AGBL4: variants seen among roughly 807,000 people sequenced by gnomAD.
AGBL4 encodes cytosolic carboxypeptidase 6.
In AGBL4, 58 loss-of-function variants were observed where a neutral mutation model predicts 66.4. The ratio of observed to expected loss-of-function variants is 0.87; its 90% CI spans 0.71 to 1.09. The LOEUF (loss-of-function observed/expected upper bound fraction) is 1.09, where lower values mean the gene tolerates loss of function less well. Ranked by LOEUF, AGBL4 falls within the 50% of genes least tolerant of loss-of-function variation. AGBL4 has a pLI of 0.00. For missense variants in AGBL4, 579 were observed against 631.0 expected (o/e 0.92, Z 0.88); for synonymous variants, 234 against 222.9 (o/e 1.05, Z -0.44).
chr1:48,604,457 A>C (rs1420218796), intron 9 of AGBL4, among the ~76,000 whole-genome samples: 1 of 152,176 alleles, frequency 6.6e-6, no homozygotes, highest in Non-Finnish European at 1.5e-5. Flanking sequence ...ATTTGAATGA[A>C]AAGAACGTTT....
At chr1:49,768,953 A>C (rs1643975876) in intron 2 of AGBL4, among the ~76,000 whole-genome samples, 1 of 151,920 alleles carries the variant, frequency 6.6e-6, no homozygotes, top group South Asian at 2.1e-4. Flanking sequence ...GGTTCAAGCG[A>C]TTATCTTGCC....
intron 1 of AGBL4, among the ~76,000 whole-genome samples, chr1:49,956,007 T>TAA (rs1656574145): frequency 6.6e-6 from 1 of 151,980 alleles, no homozygotes; most frequent in Non-Finnish European, 1.5e-5. Flanking sequence ...ATATTTTATA[T>TAA]AATTTACTGT....
chr1:49,117,787 T>C (rs1375581957), intron 4 of AGBL4, among the ~76,000 whole-genome samples: 2 of 152,190 alleles, frequency 1.3e-5, no homozygotes, highest in African/African-American at 4.8e-5. Flanking sequence ...GGGGATGGCA[T>C]TGAATCTATA....
intron 2 of AGBL4, among the ~76,000 whole-genome samples, chr1:49,748,196 G>C (rs188655197): frequency 2.0e-5 from 3 of 152,006 alleles, no homozygotes; most frequent in Admixed American, 2.0e-4. Flanking sequence ...GGTGTGTGAT[G>C]TTCCCCTCCC....
intron 4 of AGBL4, among the ~76,000 whole-genome samples, chr1:49,091,850 TA>T (rs1645009669): frequency 6.6e-6 from 1 of 152,056 alleles, no homozygotes; most frequent in South Asian, 2.1e-4. Context: ...CACACAGTCA[TA>T]AAAATGAACA....
intron 5 of AGBL4, among the ~76,000 whole-genome samples, chr1:48,953,028 G>T (rs1455440760): frequency 6.6e-6 from 1 of 152,142 alleles, no homozygotes; most frequent in Non-Finnish European, 1.5e-5. Context: ...CGTGAAAATG[G>T]TGATAGTTCT....
At chr1:49,210,576 T>C (rs897595323) in intron 4 of AGBL4, among the ~76,000 whole-genome samples, 2 of 152,116 alleles carry the variant, frequency 1.3e-5, no homozygotes, top group Non-Finnish European at 2.9e-5. Flanking sequence ...GGAGGCCTTA[T>C]TAGATAAAGA....
chr1:49,787,435 G>C (rs1156752775), intron 2 of AGBL4, among the ~76,000 whole-genome samples: 1 of 151,432 alleles, frequency 6.6e-6, no homozygotes, highest in African/African-American at 2.4e-5. Flanking sequence ...CCTGGGAGGC[G>C]GAGCTTGCAG....
rs142566427 is a variant in AGBL4, at chr1:48,839,422, C to T, written c.634+27769G>A. ...AAGAAGAATGAAATCCTGTCATTTGCAACAACTAGATGGAACTGGAGGACA... is the reference window on the plus strand; with the variant it reads ...AAGAAGAATGAAATCCTGTCATTTGTAACAACTAGATGGAACTGGAGGACA... On this transcript the variant is annotated intron_variant, in intron 6 of 13. Transcript: ENST00000371839. Among the ~76,000 whole-genome samples, 756 of 152,102 alleles carry T rather than the reference C, an allele frequency of 5.0e-3. 7 individuals carry two copies. Among genetic ancestry groups the T allele is most frequent in the Middle Eastern group, 0.017 (5 of 290 alleles).
At chr1:49,395,766 C>CATATATATACATGTGTATATATGT (rs1259666740) in intron 3 of AGBL4, among the ~76,000 whole-genome samples, 1 of 136,908 alleles carries the variant, frequency 7.3e-6, no homozygotes, top group Non-Finnish European at 1.5e-5. Flanking sequence ...TATATATACA[C>CATATATATACATGTGTATATATGT]ATATATATAC....
chr1:48,682,885 G>A (rs946170257), intron 6 of AGBL4, among the ~76,000 whole-genome samples: 13 of 152,156 alleles, frequency 8.5e-5, no homozygotes, highest in Non-Finnish European at 1.5e-4. Flanking sequence ...TAATGGAGCT[G>A]GTGGGAAACC....
chr1:49,961,696 A>C (rs533131468), intron 1 of AGBL4, among the ~76,000 whole-genome samples: 1 of 152,276 alleles, frequency 6.6e-6, no homozygotes, highest in African/African-American at 2.4e-5. Flanking sequence ...CATTTTAATT[A>C]GATTCCAGAG....
chr1:48,899,237 G>A (rs1451810587), intron 5 of AGBL4, among the ~76,000 whole-genome samples: 1 of 152,218 alleles, frequency 6.6e-6, no homozygotes, highest in African/African-American at 2.4e-5. Flanking sequence ...ACACCTGTGC[G>A]GGCGAGGGCC....
chr1:49,255,913 G>C (rs768076422), intron 3 of AGBL4, among the ~76,000 whole-genome samples: 4 of 152,152 alleles, frequency 2.6e-5, no homozygotes, highest in African/African-American at 4.8e-5. Flanking sequence ...AGTAGGAACA[G>C]AAAACCAAAT....
chr1:49,531,176 C>T (rs564700187), intron 3 of AGBL4, among the ~76,000 whole-genome samples: 58 of 152,130 alleles, frequency 3.8e-4, no homozygotes, highest in Admixed American at 3.7e-3. Context: ...AGAAAAGAAC[C>T]CTAGCATCAG....
intron 1 of AGBL4, among the ~76,000 whole-genome samples, chr1:49,920,300 G>A (rs1280262620): frequency 3.9e-5 from 6 of 152,122 alleles, no homozygotes; most frequent in Non-Finnish European, 8.8e-5. Context: ...GAGTAAACAG[G>A]CCACCTACAG....
rs1463665074 is a variant in AGBL4 at position 49,598,361 on chromosome 1, CT to C, written c.282+98951del. ...CTTTGTGGTTTTATCTACTTTTGGT[CT>C]TTGATGATGGTGATGTACAGATGGG... On this transcript the variant is annotated intron_variant, in intron 3 of 13. Transcript: ENST00000371839. 2.6e-5 allele frequency among the ~76,000 whole-genome samples: 4 copies of C among 152,084 alleles called. No individual in the cohort carries two copies. The East Asian group carries it at 7.7e-4, about 29-fold the overall frequency.
At chr1:49,262,759 G>T (rs1255810807) in intron 3 of AGBL4, among the ~76,000 whole-genome samples, 1 of 152,144 alleles carries the variant, frequency 6.6e-6, no homozygotes, top group East Asian at 1.9e-4. Context: ...ATTCCTCAGG[G>T]ATCTAGAACT....
chr1:49,974,394 C>T (rs754665629), intron 1 of AGBL4, among the ~76,000 whole-genome samples: 2 of 152,030 alleles, frequency 1.3e-5, no homozygotes, highest in Non-Finnish European at 1.5e-5. Flanking sequence ...GAGGTTATAA[C>T]TTAGACAAAG....
Sources: allele counts gnomAD v4.1 joint callset (sites outside exome capture counted in the v4.1 genomes callset), GRCh38; gene constraint gnomAD v4.1.1; transcripts MANE v1.5; gene names NCBI Gene and HGNC (gene_info 2026-07-23, HGNC 2026-07-21).